The following CD1B variants were observed in gnomAD, a reference collection of about 807,000 sequenced individuals.
CD1B encodes CD1b molecule.
Under a neutral mutation model 39.8 loss-of-function variants are expected in CD1B, and 43 were observed. The observed-to-expected ratio is 1.08, with a 90% CI of 0.85 to 1.39. CD1B has a LOEUF of 1.39. Among genes scored for constraint, CD1B ranks in the 40% most tolerant of loss-of-function variants. CD1B has a pLI of 0.00. For synonymous variants in CD1B, 192 were observed against 152.5 expected (o/e 1.26, Z -1.91); for missense variants, 495 against 403.8 (o/e 1.23, Z -1.94).
chr1:158,287,000 C>T, the CD1B span, among the ~76,000 whole-genome samples: 1 of 152,148 alleles, frequency 6.6e-6, no homozygotes, highest in African/African-American at 2.4e-5. Flanking sequence ...TGCTCTCCTC[C>T]TCCAGGCCCT....
the CD1B span, among the ~76,000 whole-genome samples, chr1:158,304,210 A>G: frequency 6.6e-6 from 1 of 152,210 alleles, no homozygotes; most frequent in Non-Finnish European, 1.5e-5. Context: ...GGGGTGACAG[A>G]TAGCACCAGG....
In CD1B at chr1:158,329,922, G is replaced by T; in HGVS notation, c.537C>A (p.Leu179=). Residue 179 remains leucine (L), a synonymous_variant, in exon 3 of 6, where the codon CTC becomes CTA. Transcript: ENST00000368168. Reference sequence around the variant, plus strand: ...GATATCGGGGGCAGGTTTCATAGAGGAGAATTCTCACAGTTTCCATGATAC... The same window carrying T: ...GATATCGGGGGCAGGTTTCATAGAGTAGAATTCTCACAGTTTCCATGATAC... ...YQGIMETVRI[L]LYETCPRYLL... is the part of the protein sequence containing the mutation. 2 of 1,614,086 alleles carry T rather than the reference G, an allele frequency of 1.2e-6. No individual in the cohort carries two copies. Among genetic ancestry groups the T allele is most frequent in the African/African-American group, 1.3e-5 (1 of 75,020 alleles).
intron 5 of CD1B, among the ~76,000 whole-genome samples, chr1:158,328,637 C>T (rs1458834521): frequency 6.6e-6 from 1 of 152,176 alleles, no homozygotes; most frequent in Non-Finnish European, 1.5e-5. Context: ...GAGTTTCAGT[C>T]TTGCAAGACA....
At chr1:158,318,203 A>C in the CD1B span, among the ~76,000 whole-genome samples, 1 of 152,230 alleles carries the variant, frequency 6.6e-6, no homozygotes, top group East Asian at 1.9e-4. Flanking sequence ...GCTGAGTTCA[A>C]TTCCTGGGTA....
At chr1:158,319,452 G>C in the CD1B span, among the ~76,000 whole-genome samples, 4 of 151,852 alleles carry the variant, frequency 2.6e-5, no homozygotes, top group African/African-American at 9.7e-5. Flanking sequence ...CCAGTTGATC[G>C]CATCAGCTCC....
chr1:158,329,945 T>C lies in CD1B; in HGVS notation c.514A>G (p.Ile172Val). Residue 172 changes from isoleucine (I) to valine (V), a missense_variant, in exon 3 of 6, where the codon ATC (isoleucine) becomes GTC (valine). Transcript: ENST00000368168. Reference sequence around the variant, plus strand: ...AGGAGAATTCTCACAGTTTCCATGATACCTTGATATTGTATGATTAGTGCA... The same window carrying C: ...AGGAGAATTCTCACAGTTTCCATGACACCTTGATATTGTATGATTAGTGCA... ...FCALIIQYQGIMETVRILLYE... is the reference protein window; with the variant it reads ...FCALIIQYQGVMETVRILLYE... 2 of 1,613,998 alleles carry C rather than the reference T, an allele frequency of 1.2e-6. No individual in the cohort carries two copies. The highest frequency in any genetic ancestry group is 1.1e-5 in the South Asian group (1 of 91,078).
At chr1:158,305,196 T>A in the CD1B span, among the ~76,000 whole-genome samples, 1 of 151,766 alleles carries the variant, frequency 6.6e-6, no homozygotes, top group Non-Finnish European at 1.5e-5. Flanking sequence ...TGAAAAAAAA[T>A]TAGATGAATG....
chr1:158,304,742 T>C, the CD1B span, among the ~76,000 whole-genome samples: 1 of 152,104 alleles, frequency 6.6e-6, no homozygotes, highest in Admixed American at 6.5e-5. Flanking sequence ...AGACAAAACT[T>C]CCAGAGGAAT....
chr1:158,308,166 T>C, the CD1B span, among the ~76,000 whole-genome samples: 1 of 152,138 alleles, frequency 6.6e-6, no homozygotes, highest in South Asian at 2.1e-4. Context: ...TGTGCAAAAA[T>C]CACAAGCATT....
At chr1:158,330,673 G>A in intron 2 of CD1B, 123 bp downstream of exon 2, 5 of 939,700 alleles carry the variant, frequency 5.3e-6, no homozygotes, top group Non-Finnish European at 8.9e-6. Context: ...CTCAAGAAAA[G>A]CATGTGCGTG....
chr1:158,286,149 T>G, the CD1B span, among the ~76,000 whole-genome samples: 1 of 151,996 alleles, frequency 6.6e-6, no homozygotes, highest in Non-Finnish European at 1.5e-5. Context: ...AAAAGGGAAG[T>G]TGGGGAAGGA....
chr1:158,304,302 C>A, the CD1B span, among the ~76,000 whole-genome samples: 1,861 of 152,250 alleles, frequency 0.012, 36 homozygotes, highest in African/African-American at 0.042. Context: ...TATCCCATGC[C>A]AGGCCTGGAG....
chr1:158,304,862 C>T, the CD1B span, among the ~76,000 whole-genome samples: 1 of 152,224 alleles, frequency 6.6e-6, no homozygotes. Context: ...TCCAACAGAC[C>T]TGCTGCTGAG....
the CD1B span, chr1:158,292,159 C>T: frequency 1.7e-5 from 28 of 1,614,024 alleles, no homozygotes; most frequent in Non-Finnish European, 2.4e-5. Flanking sequence ...TTTCAGGTAG[C>T]TTTCAACGGA....
chr1:158,305,806 C>T, the CD1B span, among the ~76,000 whole-genome samples: 1 of 152,172 alleles, frequency 6.6e-6, no homozygotes, highest in Admixed American at 6.5e-5. Flanking sequence ...AATTTTCAAA[C>T]CAGAATTTCA....
the CD1B span, among the ~76,000 whole-genome samples, chr1:158,307,832 T>A: frequency 1.3e-5 from 2 of 152,174 alleles, no homozygotes; most frequent in African/African-American, 2.4e-5. Flanking sequence ...ATGGGATGTA[T>A]CTCAAAATAA....
the CD1B span, among the ~76,000 whole-genome samples, chr1:158,287,977 T>G: frequency 6.6e-6 from 1 of 152,176 alleles, no homozygotes; most frequent in African/African-American, 2.4e-5. Flanking sequence ...ACACATTCCA[T>G]TGCCCAGAAC....
In CD1B at chr1:158,331,435, A is replaced by C. The variant is rs765401639; in HGVS notation, c.-12T>G. On this transcript the variant is annotated 5_prime_UTR_variant, in exon 1 of 6. Coordinates refer to ENST00000368168, the MANE Select transcript of CD1B (RefSeq NM_001764.3). Reference sequence around the variant, plus strand: ...GGCAGCAGCAGCATTTCACTGGGAGATGCAACTTCTTACTGGCAGAGCTGG... The same window carrying C: ...GGCAGCAGCAGCATTTCACTGGGAGCTGCAACTTCTTACTGGCAGAGCTGG... 1.2e-6 allele frequency: 2 copies of C among 1,612,160 alleles called. No individual in the cohort carries two copies. The highest frequency in any genetic ancestry group is 1.7e-6 in the Non-Finnish European group (2 of 1,178,330).
chr1:158,292,706 C>A, the CD1B span: 16 of 1,613,970 alleles, frequency 9.9e-6, no homozygotes, highest in East Asian at 2.9e-4. Context: ...GACATGGATG[C>A]GGAATGAACA....
Sources: gnomAD v4.1 joint callset for allele counts (sites outside exome capture counted in the v4.1 genomes callset) on GRCh38, gnomAD v4.1.1 for gene constraint, MANE v1.5 for transcripts, NCBI Gene and HGNC (gene_info 2026-07-23, HGNC 2026-07-21) for gene names.